The following ARNT2 variants were observed in gnomAD, a reference collection of about 807,000 sequenced individuals.
ARNT2 encodes ARNT protein 2.
In ARNT2, 36 loss-of-function variants were observed where a neutral mutation model predicts 91.7. The observed-to-expected ratio is 0.39, with a 90% CI of 0.30 to 0.52. The LOEUF (loss-of-function observed/expected upper bound fraction) is 0.52. Ranked by LOEUF, ARNT2 falls within the 20% of genes least tolerant of loss-of-function variation. The pLI is 0.72. For synonymous variants in ARNT2, 365 were observed against 347.1 expected (o/e 1.05, Z -0.57); for missense variants, 775 against 939.3 (o/e 0.83, Z 2.29).
At chr15:80,489,022 T>G (rs558134120) in intron 5 of ARNT2, among the ~76,000 whole-genome samples, 14 of 152,362 alleles carry the variant, frequency 9.2e-5, no homozygotes, top group Admixed American at 2.0e-4. Flanking sequence ...CAGATATAAT[T>G]ACTTTGAGTT....
intron 17 of ARNT2, among the ~76,000 whole-genome samples, chr15:80,585,687 A>G (rs1458633268): frequency 6.6e-6 from 1 of 152,202 alleles, no homozygotes; most frequent in Non-Finnish European, 1.5e-5. Flanking sequence ...GAAATGGTCT[A>G]CACACCCACC....
chr15:80,457,777 C>A, intron 2 of ARNT2, 152 bp from the exon 3 acceptor site: 1 of 721,604 alleles, frequency 1.4e-6, no homozygotes, highest in Non-Finnish European at 2.3e-6. Context: ...CGTTTGATGA[C>A]TGTGTAGAGA....
At chr15:80,576,406 A>T (rs1338391361) in intron 14 of ARNT2, among the ~76,000 whole-genome samples, 1 of 151,928 alleles carries the variant, frequency 6.6e-6, no homozygotes, top group African/African-American at 2.4e-5. Flanking sequence ...CCTCCCGAGT[A>T]GCTGGAACTA....
At chr15:80,551,148 T>C (rs1350222844) in intron 8 of ARNT2, 51 bp from the exon 9 acceptor site, 1 of 1,549,036 alleles carries the variant, frequency 6.5e-7, no homozygotes, top group East Asian at 2.2e-5. Context: ...TTTTCTTCTT[T>C]CCCATTCACC....
chr15:80,423,079 T>C (rs1017852849), intron 1 of ARNT2, among the ~76,000 whole-genome samples: 1 of 152,250 alleles, frequency 6.6e-6, no homozygotes, highest in Non-Finnish European at 1.5e-5. Flanking sequence ...GTCACTTAGC[T>C]GTGTGACTTC....
In ARNT2 at chr15:80,471,482, T is replaced by C. The variant is rs552889653; in HGVS notation, c.408+1051T>C. On this transcript the variant is annotated intron_variant, in intron 4 of 18. Coordinates refer to ENST00000303329, the MANE Select transcript of ARNT2 (RefSeq NM_014862.4). Reference sequence around the variant, plus strand: ...ATTTGTATAACAAATTTTCGTGACATGAGTTTACTCCCTTGGCAGTACGTA... The same window carrying C: ...ATTTGTATAACAAATTTTCGTGACACGAGTTTACTCCCTTGGCAGTACGTA... Among the ~76,000 whole-genome samples the C allele has an allele frequency of 1.1e-3, 165 of 152,260 alleles. 1 individual carries two copies. The highest frequency in any genetic ancestry group is 3.4e-3 in the Middle Eastern group (1 of 294).
At chr15:80,409,309 A>G (rs1304896841) in intron 1 of ARNT2, among the ~76,000 whole-genome samples, 3 of 152,210 alleles carry the variant, frequency 2.0e-5, no homozygotes, top group Admixed American at 1.3e-4. Flanking sequence ...CCAGAAAGTC[A>G]TGTAATTGGA....
Position 80,542,394 on chromosome 15 carries a change from A to G in ARNT2, c.878-8805A>G, listed in dbSNP as rs374554977. 7.9e-5 allele frequency among the ~76,000 whole-genome samples: 12 copies of G among 152,290 alleles called. No individual in the cohort carries two copies. The East Asian group carries it at 1.4e-3, about 17-fold the overall frequency. On this transcript the variant is annotated intron_variant, in intron 8 of 18. Transcript: ENST00000303329. ...AGGCTGATGAAACTTACAATTGAGA[A>G]TTATTTTATTTTATTGATTTGCATA...
At chr15:80,543,929 C>T (rs750610029) in intron 8 of ARNT2, among the ~76,000 whole-genome samples, 1 of 151,964 alleles carries the variant, frequency 6.6e-6, no homozygotes, top group East Asian at 1.9e-4. Context: ...TTAGTAGAAA[C>T]GGGGTTTCAC....
At chr15:80,514,828 G>A (rs1897406736) in intron 8 of ARNT2, among the ~76,000 whole-genome samples, 1 of 152,182 alleles carries the variant, frequency 6.6e-6, no homozygotes, top group Non-Finnish European at 1.5e-5. Context: ...AGAGGTTGCA[G>A]TGAGCCAAGA....
At chr15:80,589,096 A>G (rs1167188959) in intron 17 of ARNT2, among the ~76,000 whole-genome samples, 1 of 152,208 alleles carries the variant, frequency 6.6e-6, no homozygotes, top group Non-Finnish European at 1.5e-5. Context: ...TGCTTTCAAC[A>G]TATGTTAAGA....
intron 17 of ARNT2, among the ~76,000 whole-genome samples, chr15:80,590,605 T>C (rs1893258996): frequency 6.6e-6 from 1 of 152,148 alleles, no homozygotes; most frequent in African/African-American, 2.4e-5. Context: ...AGTCAGGCAA[T>C]GTGGCATGAG....
chr15:80,417,342 A>ATTTCT (rs34262981), intron 1 of ARNT2, among the ~76,000 whole-genome samples: 125,431 of 151,742 alleles, frequency 0.83, 51,966 homozygotes, highest in East Asian at 0.9. Context: ...TTAATTTATG[A>ATTTCT]TTTAAGTTTC....
At chr15:80,416,292 T>C (rs533504393) in intron 1 of ARNT2, among the ~76,000 whole-genome samples, 71 of 139,648 alleles carry the variant, frequency 5.1e-4, no homozygotes, top group African/African-American at 1.8e-3. Flanking sequence ...GCTTTATCAG[T>C]TTTTTTTTTC....
rs537995565 is a variant in ARNT2 at position 80,576,478 on chromosome 15, T to C, written c.1514-388T>C. ...TTTTAGTGGAGACAAGGTTTCACCA[T>C]GTTGGCCAGGCTGGTTTTGAACTCC... On this transcript the variant is annotated intron_variant, in intron 14 of 18. Coordinates refer to ENST00000303329, the MANE Select transcript of ARNT2 (RefSeq NM_014862.4). Among the ~76,000 whole-genome samples the C allele has an allele frequency of 1.9e-3, 287 of 152,220 alleles. 1 individual carries two copies. Among genetic ancestry groups the C allele is most frequent in the Non-Finnish European group, 3.6e-3 (245 of 67,996 alleles).
chr15:80,569,260 C>T (rs62006429), intron 12 of ARNT2, among the ~76,000 whole-genome samples: 12,343 of 152,278 alleles, frequency 0.081, 731 homozygotes, highest in Middle Eastern at 0.13. Context: ...TGCACCTCGC[C>T]GGCAGGAAGC....
At chr15:80,466,222 G>A (rs998621900) in intron 3 of ARNT2, among the ~76,000 whole-genome samples, 5 of 152,302 alleles carry the variant, frequency 3.3e-5, no homozygotes, top group East Asian at 3.9e-4. Context: ...GTACCTCACC[G>A]TTCAGATTAA....
At chr15:80,569,869 A>T (rs1811482801) in intron 12 of ARNT2, among the ~76,000 whole-genome samples, 1 of 152,280 alleles carries the variant, frequency 6.6e-6, no homozygotes, top group African/African-American at 2.4e-5. Flanking sequence ...TCCGGGGCAC[A>T]GCTACACAAC....
chr15:80,405,320 G>A (rs1306365568), intron 1 of ARNT2, among the ~76,000 whole-genome samples: 1 of 152,226 alleles, frequency 6.6e-6, no homozygotes, highest in Admixed American at 6.5e-5. Flanking sequence ...TGAGCAGGGT[G>A]TGGGAGAAGA....
Sources: allele counts gnomAD v4.1 joint callset (sites outside exome capture counted in the v4.1 genomes callset), GRCh38; gene constraint gnomAD v4.1.1; transcripts MANE v1.5; gene names NCBI Gene and HGNC (gene_info 2026-07-23, HGNC 2026-07-21).